SNTB1: variants seen among roughly 807,000 people sequenced by gnomAD.
SNTB1 encodes beta-1-syntrophin.
Under a neutral mutation model 48.9 loss-of-function variants are expected in SNTB1, and 36 were observed. The ratio of observed to expected loss-of-function variants is 0.74; its 90% CI spans 0.56 to 0.97. The LOEUF (loss-of-function observed/expected upper bound fraction) is 0.97, where lower values mean the gene tolerates loss of function less well. Ranked by LOEUF, SNTB1 falls within the 50% of genes least tolerant of loss-of-function variation. The pLI, the probability that SNTB1 is intolerant of heterozygous loss-of-function variation, is 0.00. For synonymous variants in SNTB1, 299 were observed against 294.6 expected (o/e 1.01, Z -0.15); for missense variants, 786 against 703.4 (o/e 1.12, Z -1.33).
At chr8:120,644,193 C>T (rs533310231) in intron 2 of SNTB1, among the ~76,000 whole-genome samples, 19 of 150,630 alleles carry the variant, frequency 1.3e-4, no homozygotes, top group Non-Finnish European at 2.7e-4. Flanking sequence ...TTAAGTTTTA[C>T]GGTACATGTG....
intron 3 of SNTB1, among the ~76,000 whole-genome samples, chr8:120,622,671 T>C (rs962087187): frequency 6.6e-5 from 10 of 152,210 alleles, no homozygotes; most frequent in Admixed American, 4.6e-4. Flanking sequence ...AGGTGGTGGC[T>C]ATAACCTTCA....
At chr8:120,784,237 G>T (rs557788392) in intron 1 of SNTB1, among the ~76,000 whole-genome samples, 142 of 152,028 alleles carry the variant, frequency 9.3e-4, no homozygotes, top group Non-Finnish European at 1.6e-3. Context: ...CAAATGATCC[G>T]CCTGCCTCGG....
chr8:120,551,161 C>A (rs1815472870), intron 4 of SNTB1, among the ~76,000 whole-genome samples: 1 of 148,820 alleles, frequency 6.7e-6, no homozygotes, highest in Non-Finnish European at 1.5e-5. Flanking sequence ...GAGGCTGAGG[C>A]AGAAAACTGC....
At chr8:120,584,732 C>T (rs1170806820) in intron 3 of SNTB1, among the ~76,000 whole-genome samples, 2 of 152,000 alleles carry the variant, frequency 1.3e-5, no homozygotes, top group Non-Finnish European at 2.9e-5. Flanking sequence ...GAAATAGGGT[C>T]GTCGCAGATG....
At chr8:120,615,206 C>T (rs551412993) in intron 3 of SNTB1, among the ~76,000 whole-genome samples, 3 of 152,180 alleles carry the variant, frequency 2.0e-5, no homozygotes, top group Admixed American at 6.6e-5. Context: ...CATCTTGCTT[C>T]CCTCCCCACA....
rs189724465 is a variant in SNTB1, at chr8:120,616,655, C to T, written c.996+15789G>A. Among the ~76,000 whole-genome samples the T allele has an allele frequency of 2.6e-3, 396 of 152,094 alleles. 3 individuals are homozygous for T. Among genetic ancestry groups the T allele is most frequent in the Non-Finnish European group, 3.9e-3 (264 of 67,998 alleles). On this transcript the variant is annotated intron_variant, in intron 3 of 6. Transcript: ENST00000517992. ...GCAGTCCTGGTTTGAAAAAGAAAAC[C>T]AAACAAATATAATATTATGTTTAAA...
At chr8:120,688,548 T>G (rs1587090306) in intron 2 of SNTB1, among the ~76,000 whole-genome samples, 1 of 152,228 alleles carries the variant, frequency 6.6e-6, no homozygotes, top group African/African-American at 2.4e-5. Flanking sequence ...TGAGTAGGCA[T>G]GTAAGAAAAA....
chr8:120,794,981 G>C (rs796967829), intron 1 of SNTB1, among the ~76,000 whole-genome samples: 31 of 152,016 alleles, frequency 2.0e-4, no homozygotes, highest in African/African-American at 6.3e-4. Flanking sequence ...TGGCTGAAAG[G>C]CTATAATTTT....
chr8:120,755,098 C>G (rs771555284), intron 1 of SNTB1, among the ~76,000 whole-genome samples: 12 of 151,262 alleles, frequency 7.9e-5, no homozygotes, highest in Non-Finnish European at 1.3e-4. Context: ...ACACAGTGGC[C>G]TTGACACAGT....
intron 3 of SNTB1, among the ~76,000 whole-genome samples, chr8:120,610,075 G>A (rs373489109): frequency 1.3e-5 from 2 of 152,250 alleles, no homozygotes; most frequent in Admixed American, 6.5e-5. Context: ...TATAGGCACT[G>A]GCTTAATCAG....
chr8:120,755,523 T>C (rs1176525243), intron 1 of SNTB1, among the ~76,000 whole-genome samples: 3 of 152,038 alleles, frequency 2.0e-5, no homozygotes, highest in Non-Finnish European at 4.4e-5. Context: ...GTGAAGTACA[T>C]TTGAGTTCAA....
Position 120,695,546 on chromosome 8 carries a change from A to G in SNTB1, c.572-1638T>C, listed in dbSNP as rs144460654. 4.0e-3 allele frequency among the ~76,000 whole-genome samples: 615 copies of G among 152,326 alleles called. 9 individuals carry two copies. Among genetic ancestry groups the G allele is most frequent in the African/African-American group, 0.014 (580 of 41,574 alleles). ...CTCAGAAACCCACCTAAGATAGGACATAAGACAAAGTACACAAACTACGGC... is the reference window on the plus strand; with the variant it reads ...CTCAGAAACCCACCTAAGATAGGACGTAAGACAAAGTACACAAACTACGGC... On this transcript the variant is annotated intron_variant, in intron 1 of 6. Coordinates refer to ENST00000517992, the MANE Select transcript of SNTB1 (RefSeq NM_021021.4).
At position 120,731,364 on chromosome 8, in the gene SNTB1, T is replaced by A. The variant is rs542330357; in HGVS notation, c.572-37456A>T. Among the ~76,000 whole-genome samples, 95 of 152,156 alleles carry A rather than the reference T, an allele frequency of 6.2e-4. 1 individual carries two copies. The highest frequency in any genetic ancestry group is 1.5e-3 in the Admixed American group (23 of 15,292). On this transcript the variant is annotated intron_variant, in intron 1 of 6. Transcript: ENST00000517992. ...AACCACAATATACAGGAAACACACG[T>A]GTTCTGTAAAAAGGGGCAGCAGCTC...
Position 120,811,616 on chromosome 8 carries a change from G to T in SNTB1, c.228C>A (p.His76Gln), listed in dbSNP as rs1288834652. 3.8e-6 allele frequency: 6 copies of T among 1,588,150 alleles called. No individual in the cohort carries two copies. Among genetic ancestry groups the T allele is most frequent in the Non-Finnish European group, 5.1e-6 (6 of 1,171,232 alleles). The change falls in exon 1 of 7, where the codon CAC becomes CAA. Residue 76 changes from histidine (H) to glutamine (Q), a missense_variant. By Grantham distance (24) the His-to-Gln change is conservative (BLOSUM62 0). Coordinates refer to ENST00000517992, the MANE Select transcript of SNTB1 (RefSeq NM_021021.4). ...GGGGCTGCGCGCCGCCCGCGCCCGG[G>T]TGCCCAGCCCCGGCGCCCCTGCAGA... Reference protein sequence around the residue: ...GSFCRGAGAGHPGAGGAQPPD... With the variant: ...GSFCRGAGAGQPGAGGAQPPD...
chr8:120,774,772 A>T (rs1419911738), intron 1 of SNTB1, among the ~76,000 whole-genome samples: 1 of 151,618 alleles, frequency 6.6e-6, no homozygotes, highest in East Asian at 1.9e-4. Flanking sequence ...TCCTGCCTCA[A>T]CCTCCCAAGT....
intron 1 of SNTB1, among the ~76,000 whole-genome samples, chr8:120,716,104 C>T (rs1818551031): frequency 6.6e-6 from 1 of 152,158 alleles, no homozygotes; most frequent in Non-Finnish European, 1.5e-5. Context: ...AAACTCCAGT[C>T]TTTCATCCCG....
intron 5 of SNTB1, among the ~76,000 whole-genome samples, chr8:120,548,201 G>T (rs945777735): frequency 6.6e-6 from 1 of 151,878 alleles, no homozygotes; most frequent in Non-Finnish European, 1.5e-5. Flanking sequence ...ATCATAATTG[G>T]AAGCTTCCTG....
At chr8:120,631,837 T>TA (rs1816986373) in intron 3 of SNTB1, among the ~76,000 whole-genome samples, 1 of 152,190 alleles carries the variant, frequency 6.6e-6, no homozygotes, top group Non-Finnish European at 1.5e-5. Context: ...AAGTCTTTAT[T>TA]ATCTTTTCAC....
At chr8:120,573,966 T>G (rs913026450) in intron 4 of SNTB1, among the ~76,000 whole-genome samples, 1 of 152,232 alleles carries the variant, frequency 6.6e-6, no homozygotes. Flanking sequence ...GTGTGATGCC[T>G]CTAAAGGTCC....
Sources: gnomAD v4.1 joint callset for allele counts (sites outside exome capture counted in the v4.1 genomes callset) on GRCh38, gnomAD v4.1.1 for gene constraint, MANE v1.5 for transcripts, NCBI Gene and HGNC (gene_info 2026-07-23, HGNC 2026-07-21) for gene names.